The following GRIK2 variants were observed in gnomAD, a reference collection of about 807,000 sequenced individuals.
The protein encoded by GRIK2 is glutamate receptor ionotropic, kainate 2.
A neutral mutation model predicts 100.3 loss-of-function variants in GRIK2; 32 were observed. That is an observed-to-expected ratio of 0.32 (90% confidence interval 0.24 to 0.43). GRIK2 has a LOEUF of 0.43. GRIK2 is among the 20% of genes least tolerant of loss of function. The pLI is 1.00. For synonymous variants in GRIK2, 417 were observed against 389.4 expected, an observed-to-expected ratio of 1.07 and a Z score of -0.83; for missense variants, 843 against 1,114.9, an observed-to-expected ratio of 0.76 and a Z score of 3.47.
chr6:101,554,141 G>A (rs1425973722), intron 2 of GRIK2, among the ~76,000 whole-genome samples: 1 of 152,124 alleles, frequency 6.6e-6, no homozygotes, highest in Non-Finnish European at 1.5e-5. Flanking sequence ...AATTAGCAAA[G>A]TTATGGCTGA....
intron 14 of GRIK2, among the ~76,000 whole-genome samples, chr6:101,941,132 A>G (rs1378196494): frequency 2.0e-5 from 3 of 152,138 alleles, no homozygotes; most frequent in Admixed American, 2.0e-4. Context: ...AATAAATTAC[A>G]ATTATAACTA....
At chr6:101,906,596 G>A (rs554802142) in intron 12 of GRIK2, among the ~76,000 whole-genome samples, 5 of 151,770 alleles carry the variant, frequency 3.3e-5, no homozygotes, top group Non-Finnish European at 7.4e-5. Flanking sequence ...TAGTCCACCT[G>A]AAGATAGCAC....
chr6:101,608,531 A>G (rs1207488377), intron 2 of GRIK2, among the ~76,000 whole-genome samples: 11 of 151,906 alleles, frequency 7.2e-5, no homozygotes, highest in Non-Finnish European at 1.6e-4. Flanking sequence ...CTCAAAGATT[A>G]TTCCTTGACT....
At chr6:101,860,344 G>A (rs1784664376) in intron 11 of GRIK2, among the ~76,000 whole-genome samples, 1 of 152,058 alleles carries the variant, frequency 6.6e-6, no homozygotes, top group South Asian at 2.1e-4. Context: ...AAAAGGAACA[G>A]GAATTTATGC....
At chr6:102,016,889 A>T (rs2114344285) in intron 14 of GRIK2, among the ~76,000 whole-genome samples, 1 of 152,254 alleles carries the variant, frequency 6.6e-6, no homozygotes, top group African/African-American at 2.4e-5. Flanking sequence ...AGGACAGGTA[A>T]CCTACAAAGG....
rs1219296862 is a variant in GRIK2 at position 101,948,467 on chromosome 6, ATATAGT to A, written c.2085+19846_2085+19851del. 7.4e-5 allele frequency among the ~76,000 whole-genome samples: 11 copies of A among 147,654 alleles called. No homozygotes were observed. The East Asian group carries it at 1.4e-3, about 18-fold the overall frequency. Reference sequence around the variant, plus strand: ...CTAATATATATATATATACACACATATATAGTTATAGTTATATATAGTTATACATAA... The same window carrying A: ...CTAATATATATATATATACACACATATATAGTTATATATAGTTATACATAA... On this transcript the variant is annotated intron_variant, in intron 14 of 16. Coordinates refer to ENST00000369134, the MANE Select transcript of GRIK2 (RefSeq NM_021956.5).
intron 4 of GRIK2, among the ~76,000 whole-genome samples, chr6:101,635,246 G>T (rs917333286): frequency 6.6e-6 from 1 of 152,038 alleles, no homozygotes; most frequent in African/African-American, 2.4e-5. Context: ...GGATATACTT[G>T]ATTACATAGC....
chr6:102,037,145 A>G (rs1328541362), intron 15 of GRIK2, among the ~76,000 whole-genome samples: 1 of 151,322 alleles, frequency 6.6e-6, no homozygotes. Context: ...ATTTTGAGAT[A>G]CTAATTCTTG....
In GRIK2 at chr6:101,791,127, T is replaced by C. The variant is rs564054795; in HGVS notation, c.952-8521T>C. Among the ~76,000 whole-genome samples the C allele has an allele frequency of 1.1e-3, 173 of 152,354 alleles. 3 individuals are homozygous for C. The highest frequency in any genetic ancestry group is 4.0e-3 in the African/African-American group (166 of 41,588). ...TTCTTTATTAGTCTTGCTAGCAGTCTATCAATTTTGTTGATCCTTTCAAAA... is the reference window on the plus strand; with the variant it reads ...TTCTTTATTAGTCTTGCTAGCAGTCCATCAATTTTGTTGATCCTTTCAAAA... On this transcript the variant is annotated intron_variant, in intron 7 of 16. Transcript: ENST00000369134.
At position 101,460,284 on chromosome 6, in the gene GRIK2, A is replaced by C. The variant is rs10485269; in HGVS notation, c.115+60892A>C. ...TCTGGGGCCATTTAGGTCTGTTTACACAAGGACAAATGTTCAAAGGAGAAA... is the reference window on the plus strand; with the variant it reads ...TCTGGGGCCATTTAGGTCTGTTTACCCAAGGACAAATGTTCAAAGGAGAAA... On this transcript the variant is annotated intron_variant, in intron 2 of 16. Transcript: ENST00000369134. Among the ~76,000 whole-genome samples the C allele has an allele frequency of 6.0e-3, 914 of 152,314 alleles. 18 individuals carry two copies. The East Asian group carries it at 0.077, about 13-fold the overall frequency.
intron 2 of GRIK2, among the ~76,000 whole-genome samples, chr6:101,491,735 A>G (rs1773124236): frequency 6.6e-6 from 1 of 151,970 alleles, no homozygotes; most frequent in Admixed American, 6.6e-5. Flanking sequence ...CTATACTATT[A>G]TCTTTATCAC....
chr6:101,803,085 AAG>A (rs770079507), intron 9 of GRIK2, among the ~76,000 whole-genome samples: 5 of 151,936 alleles, frequency 3.3e-5, no homozygotes, highest in African/African-American at 9.6e-5. Context: ...GATAATTGAC[AAG>A]AGATATTAAA....
At chr6:101,888,463 G>T (rs988586908) in intron 11 of GRIK2, among the ~76,000 whole-genome samples, 1 of 152,060 alleles carries the variant, frequency 6.6e-6, no homozygotes, top group Non-Finnish European at 1.5e-5. Flanking sequence ...TATTTTATTT[G>T]ATTTATGAAT....
chr6:101,947,564 A>C (rs1477829933), intron 14 of GRIK2, among the ~76,000 whole-genome samples: 1 of 152,194 alleles, frequency 6.6e-6, no homozygotes, highest in Non-Finnish European at 1.5e-5. Context: ...ATTATGTTGT[A>C]GTAAAGCTGA....
intron 2 of GRIK2, among the ~76,000 whole-genome samples, chr6:101,401,936 C>G (rs796306586): frequency 1.1e-4 from 16 of 152,116 alleles, no homozygotes; most frequent in Non-Finnish European, 2.2e-4. Context: ...CTTGGCGTGG[C>G]TAGGCGCCGG....
chr6:101,764,091 G>GTC (rs1004558771), intron 7 of GRIK2, among the ~76,000 whole-genome samples: 2 of 151,988 alleles, frequency 1.3e-5, no homozygotes, highest in Non-Finnish European at 2.9e-5. Context: ...TGTATTCACT[G>GTC]TCTCTCTCTC....
intron 10 of GRIK2, among the ~76,000 whole-genome samples, chr6:101,825,805 A>G (rs1782287294): frequency 6.6e-6 from 1 of 152,118 alleles, no homozygotes; most frequent in African/African-American, 2.4e-5. Flanking sequence ...TGTGAAAATG[A>G]AATATTTTTG....
intron 7 of GRIK2, among the ~76,000 whole-genome samples, chr6:101,724,066 C>G (rs1289916774): frequency 6.6e-6 from 1 of 151,630 alleles, no homozygotes; most frequent in African/African-American, 2.4e-5. Context: ...CTGTTTTGCC[C>G]TGGACATTTC....
At chr6:102,044,478 G>A (rs182027760) in intron 15 of GRIK2, among the ~76,000 whole-genome samples, 20 of 152,084 alleles carry the variant, frequency 1.3e-4, no homozygotes, top group South Asian at 8.3e-4. Flanking sequence ...GATTTATGGC[G>A]GGAGGTGAAA....
Sources: allele counts gnomAD v4.1 joint callset (sites outside exome capture counted in the v4.1 genomes callset), GRCh38; gene constraint gnomAD v4.1.1; transcripts MANE v1.5; gene names NCBI Gene and HGNC (gene_info 2026-07-23, HGNC 2026-07-21).